Variants in KCNH1 observed in about 807,000 individuals in gnomAD.
The protein encoded by KCNH1 is voltage-gated delayed rectifier potassium channel KCNH1.
A neutral mutation model predicts 69.2 loss-of-function variants in KCNH1; 27 were observed. The observed-to-expected ratio is 0.39, with a 90% CI of 0.29 to 0.54. KCNH1 has a LOEUF of 0.54. Ranked by LOEUF, KCNH1 falls within the 20% of genes least tolerant of loss-of-function variation. KCNH1 has a pLI of 0.68. For synonymous variants in KCNH1, 456 were observed against 487.7 expected (o/e 0.93, Z 0.86); for missense variants, 798 against 1,261.6 (o/e 0.63, Z 5.57).
intron 7 of KCNH1, among the ~76,000 whole-genome samples, chr1:210,839,608 A>G (rs1325286073): frequency 6.6e-6 from 1 of 152,198 alleles, no homozygotes; most frequent in Non-Finnish European, 1.5e-5. Context: ...ATTTCAAAAA[A>G]TGCTTTGTAA....
rs149205697 is a variant in KCNH1, at chr1:210,683,478, T to C, written c.2773A>G (p.Thr925Ala). The change falls in exon 11 of 11, where the codon ACA (threonine) becomes GCA (alanine). Residue 925 changes from threonine to alanine, a missense_variant. Coordinates refer to ENST00000271751, the MANE Select transcript of KCNH1 (RefSeq NM_172362.3). This position sits in a 1 kb window ranked among gnomAD's most constrained non-coding sequence, Gnocchi z 5.7. ...YPIPEQTLQA[T>A]VLEVRHELKE... is the part of the protein sequence containing the mutation. The stretch of plus-strand genomic sequence containing the variant: ...AGCTCGTGCCTCACCTCCAGGACTG[T>C]GGCCTGCAGCGTCTGCTCAGGGATG... The C allele has an allele frequency of 7.4e-6, 12 of 1,614,038 alleles. No homozygotes were observed. The highest frequency in any genetic ancestry group is 1.0e-5 in the Non-Finnish European group (12 of 1,180,028).
At chr1:210,830,460 G>T (rs1418064443) in intron 7 of KCNH1, among the ~76,000 whole-genome samples, 2 of 152,164 alleles carry the variant, frequency 1.3e-5, no homozygotes, top group African/African-American at 2.4e-5. Context: ...CAGGGTGGGG[G>T]TTGGAAGACC....
intron 10 of KCNH1, among the ~76,000 whole-genome samples, chr1:210,746,148 T>G (rs1031000449): frequency 3.3e-5 from 5 of 152,180 alleles, no homozygotes; most frequent in Non-Finnish European, 5.9e-5. Flanking sequence ...GGAACTGTCA[T>G]GGTGGCCAGC....
At chr1:210,920,322 A>G (rs1464414536) in intron 6 of KCNH1, among the ~76,000 whole-genome samples, 2 of 152,240 alleles carry the variant, frequency 1.3e-5, no homozygotes, top group Non-Finnish European at 2.9e-5. Flanking sequence ...ATTATATTGT[A>G]CATAAGTAAA....
chr1:210,843,577 C>T (rs568075380), intron 7 of KCNH1, among the ~76,000 whole-genome samples: 40 of 152,244 alleles, frequency 2.6e-4, no homozygotes, highest in African/African-American at 9.4e-4. Flanking sequence ...GGCTAAACTG[C>T]CCTAAGTGGA....
chr1:211,115,717 G>GATATATATATATATATA (rs1691563951), intron 1 of KCNH1, among the ~76,000 whole-genome samples: 1 of 96,722 alleles, frequency 1.0e-5, no homozygotes, highest in Non-Finnish European at 2.3e-5. Flanking sequence ...ATATATATAT[G>GATATATATATATATATA]TATATATATA....
rs138324015 is a variant in KCNH1, at chr1:211,053,327, T to C, written c.558+29453A>G. On this transcript the variant is annotated intron_variant, in intron 5 of 10. Transcript: ENST00000271751. The stretch of plus-strand genomic sequence containing the variant: ...AAACTGTCCATTTCTACCAAACACA[T>C]TGAAACATAACAGAAATACAAACCA... 5.3e-5 allele frequency among the ~76,000 whole-genome samples: 8 copies of C among 152,238 alleles called. No individual in the cohort carries two copies. The East Asian group carries it at 1.5e-3, about 29-fold the overall frequency.
chr1:211,096,047 C>CTTTATTTATTTATTTATTTA (rs536254644), intron 3 of KCNH1, among the ~76,000 whole-genome samples: 1,745 of 125,120 alleles, frequency 0.014, 31 homozygotes, highest in Non-Finnish European at 0.021. Flanking sequence ...AAAAGTATCA[C>CTTTATTTATTTATTTATTTA]TTTATTTATT....
chr1:210,786,465 TC>T (rs1214718910), intron 9 of KCNH1, among the ~76,000 whole-genome samples: 1 of 152,128 alleles, frequency 6.6e-6, no homozygotes, highest in Non-Finnish European at 1.5e-5. Context: ...TTCTGTTATA[TC>T]CCTCTCTCCT....
chr1:210,929,606 T>C (rs1687642641), intron 6 of KCNH1, among the ~76,000 whole-genome samples: 1 of 152,134 alleles, frequency 6.6e-6, no homozygotes, highest in South Asian at 2.1e-4. Flanking sequence ...CATTCCCTCA[T>C]GAGAACTGGA....
At chr1:210,706,396 A>G (rs1681915138) in intron 10 of KCNH1, among the ~76,000 whole-genome samples, 1 of 152,272 alleles carries the variant, frequency 6.6e-6, no homozygotes, top group Non-Finnish European at 1.5e-5. Context: ...TGCAGCGTGG[A>G]AAGTAAAATC....
At chr1:210,694,300 A>G (rs886203084) in intron 10 of KCNH1, among the ~76,000 whole-genome samples, 5 of 152,102 alleles carry the variant, frequency 3.3e-5, no homozygotes, top group African/African-American at 1.2e-4. Flanking sequence ...TCTCGGTGCC[A>G]GTGTACCAGC....
At chr1:211,088,042 C>G (rs1381311212) in intron 4 of KCNH1, among the ~76,000 whole-genome samples, 1 of 152,124 alleles carries the variant, frequency 6.6e-6, no homozygotes, top group East Asian at 1.9e-4. Flanking sequence ...GATGCACCCA[C>G]CCCAGCCCCA....
chr1:210,772,311 T>A (rs1683767955), intron 10 of KCNH1, among the ~76,000 whole-genome samples: 1 of 152,128 alleles, frequency 6.6e-6, no homozygotes, highest in African/African-American at 2.4e-5. Flanking sequence ...TTGTCAAGAA[T>A]CTTAGCAAAT....
chr1:211,088,298 T>C (rs1158587107), intron 4 of KCNH1, among the ~76,000 whole-genome samples: 3 of 152,158 alleles, frequency 2.0e-5, no homozygotes, highest in Admixed American at 6.5e-5. Context: ...ACTGAGGTGC[T>C]GTACTGAAAA....
At chr1:210,776,007 G>A (rs1045228591) in intron 9 of KCNH1, among the ~76,000 whole-genome samples, 11 of 152,162 alleles carry the variant, frequency 7.2e-5, no homozygotes, top group African/African-American at 2.7e-4. Context: ...ATATTTATAG[G>A]CAGAAGGAAA....
chr1:210,801,207 GGA>G (rs1684419656), intron 8 of KCNH1, among the ~76,000 whole-genome samples: 1 of 152,182 alleles, frequency 6.6e-6, no homozygotes, highest in Admixed American at 6.5e-5. Flanking sequence ...AAACAGGCTT[GGA>G]GAGAGACAAG....
chr1:210,734,529 G>T (rs189464630), intron 10 of KCNH1, among the ~76,000 whole-genome samples: 46 of 152,234 alleles, frequency 3.0e-4, no homozygotes, highest in East Asian at 2.9e-3. Context: ...ACTAAATAAA[G>T]CATGTTTTTA....
At position 210,861,928 on chromosome 1, in the gene KCNH1, C is replaced by T. The variant is rs144840950; in HGVS notation, c.1462+57712G>A. 5.5e-4 allele frequency: 423 copies of T among 767,790 alleles called. 5 individuals are homozygous for T. The highest frequency in any genetic ancestry group is 9.4e-4 in the South Asian group (67 of 71,182). 47.6% of individuals were successfully genotyped at this position (767,790 alleles called of 1,614,324 possible). A position where few individuals can be genotyped will look rare whatever the true frequency, so the allele number is the denominator to read the frequency against. ...GGCAGTCCAGCAGCTTGGATAATCA[C>T]GTTTGGTGATGTGATGAATGCATGT... On this transcript the variant is annotated intron_variant, in intron 7 of 10. Transcript: ENST00000271751.
Sources: allele counts gnomAD v4.1 joint callset (sites outside exome capture counted in the v4.1 genomes callset), GRCh38; gene constraint gnomAD v4.1.1; non-coding constraint Gnocchi (gnomAD v3.1); transcripts MANE v1.5; gene names NCBI Gene and HGNC (gene_info 2026-07-23, HGNC 2026-07-21).